Variants in MRTFA observed in about 807,000 individuals in gnomAD.
MRTFA encodes the protein myocardin-related transcription factor A.
A neutral mutation model predicts 83.5 loss-of-function variants in MRTFA; 20 were observed. The observed-to-expected ratio is 0.24, with a 90% confidence interval of 0.17 to 0.35. The LOEUF (loss-of-function observed/expected upper bound fraction) is 0.35, where lower values mean the gene tolerates loss of function less well. MRTFA is among the 10% of genes least tolerant of loss of function. The pLI, the probability that MRTFA is intolerant of heterozygous loss-of-function variation, is 1.00. For synonymous variants in MRTFA, 659 were observed against 541.2 expected, an observed-to-expected ratio of 1.22 and a Z score of -3.02; for missense variants, 1,200 against 1,224.7, an observed-to-expected ratio of 0.98 and a Z score of 0.30.
At chr22:40,541,057 T>C (rs1158894701) in intron 3 of MRTFA, among the ~76,000 whole-genome samples, 5 of 152,124 alleles carry the variant, frequency 3.3e-5, no homozygotes, top group Non-Finnish European at 7.4e-5. Flanking sequence ...AGTATGGAGT[T>C]AACATAAACA....
At chr22:40,487,982 C>T (rs1016663695) in intron 3 of MRTFA, among the ~76,000 whole-genome samples, 1 of 152,104 alleles carries the variant, frequency 6.6e-6, no homozygotes, top group South Asian at 2.1e-4. Flanking sequence ...GAAAGAAAAA[C>T]TTAAACCTAT....
Position 40,425,716 on chromosome 22 carries a change from A to G in MRTFA, c.602-1335T>C, listed in dbSNP as rs143796737. On this transcript the variant is annotated intron_variant, in intron 7 of 14. Transcript: ENST00000355630. ...GGCTAGATTTCCCCCACAATCTCCT[A>G]CTTCCGGCAACGGCATCTGATTTGG... is the stretch of plus-strand genomic sequence containing the variant. Among the ~76,000 whole-genome samples the G allele has an allele frequency of 3.3e-4, 50 of 152,304 alleles. 1 individual carries two copies. The East Asian group carries it at 9.1e-3, about 28-fold the overall frequency.
intron 2 of MRTFA, among the ~76,000 whole-genome samples, chr22:40,563,668 A>G (rs1186062859): frequency 1.3e-5 from 2 of 152,134 alleles, no homozygotes; most frequent in African/African-American, 2.4e-5. Context: ...TTCAAGACCA[A>G]TCTGGTCAAC....
At chr22:40,453,512 T>G (rs1261419060) in intron 4 of MRTFA, among the ~76,000 whole-genome samples, 1 of 152,074 alleles carries the variant, frequency 6.6e-6, no homozygotes, top group Non-Finnish European at 1.5e-5. Flanking sequence ...GGGGCAGCAG[T>G]TGAGAGATGA....
At chr22:40,544,269 C>G (rs1167160166) in intron 3 of MRTFA, among the ~76,000 whole-genome samples, 1 of 152,160 alleles carries the variant, frequency 6.6e-6, no homozygotes, top group Non-Finnish European at 1.5e-5. Flanking sequence ...GGGTCTTGCT[C>G]TGTCACCCAG....
chr22:40,419,156 G>A lies in MRTFA; in HGVS notation c.1582C>T (p.Pro528Ser). 4.4e-6 allele frequency: 7 copies of A among 1,585,524 alleles called. No individual in the cohort carries two copies. Among genetic ancestry groups the A allele is most frequent in the East Asian group, 2.3e-5 (1 of 42,884 alleles). The change falls in exon 12 of 15, where the codon CCA (proline) becomes TCA (serine). Residue 528 changes from proline (P) to serine (S), a missense_variant. Transcript: ENST00000355630. ...ACCGTGGCCACCACCACCTCAGCTG[G>A]AGCCAGGCCTGCTGCCACCAGGGCT... is the stretch of plus-strand genomic sequence containing the variant.
chr22:40,441,831 TACACAC>T (rs562549245), intron 4 of MRTFA, among the ~76,000 whole-genome samples: 7 of 147,958 alleles, frequency 4.7e-5, no homozygotes, highest in East Asian at 4.0e-4. Context: ...TATATATATA[TACACAC>T]ACACACACAC....
chr22:40,577,097 C>T (rs1255279781), intron 2 of MRTFA, among the ~76,000 whole-genome samples: 2 of 151,936 alleles, frequency 1.3e-5, no homozygotes, highest in African/African-American at 2.4e-5. Context: ...GTGGTGAGCA[C>T]CTGTGGTCCC....
intron 4 of MRTFA, among the ~76,000 whole-genome samples, chr22:40,446,398 T>G (rs1476133551): frequency 1.3e-5 from 2 of 152,182 alleles, no homozygotes; most frequent in South Asian, 4.1e-4. Flanking sequence ...CTATTAACAC[T>G]CCTGGACAGG....
chr22:40,539,822 C>T (rs1230274897), intron 3 of MRTFA, among the ~76,000 whole-genome samples: 5 of 151,620 alleles, frequency 3.3e-5, no homozygotes, highest in Non-Finnish European at 5.9e-5. Flanking sequence ...ATTTTCTTAA[C>T]GTAACTATAA....
intron 5 of MRTFA, 139 bp from the exon 6 acceptor site, chr22:40,431,619 G>T: frequency 1.3e-6 from 1 of 782,596 alleles, no homozygotes; most frequent in Non-Finnish European, 2.1e-6. Flanking sequence ...GTGACTGCAG[G>T]GTTCGGAGGC....
intron 4 of MRTFA, among the ~76,000 whole-genome samples, chr22:40,460,275 T>C (rs939482377): frequency 6.6e-6 from 1 of 152,182 alleles, no homozygotes; most frequent in Non-Finnish European, 1.5e-5. Flanking sequence ...GTAAGGAGAC[T>C]AATAGATAAA....
intron 3 of MRTFA, among the ~76,000 whole-genome samples, chr22:40,486,787 C>T (rs2054181241): frequency 6.6e-6 from 1 of 152,124 alleles, no homozygotes; most frequent in Admixed American, 6.5e-5. Context: ...CTCAGACAGC[C>T]TGGGCAACAC....
intron 3 of MRTFA, among the ~76,000 whole-genome samples, chr22:40,541,858 G>T (rs914658038): frequency 6.6e-6 from 1 of 152,116 alleles, no homozygotes; most frequent in African/African-American, 2.4e-5. Context: ...AGTAGAGACA[G>T]GGTTTCACCA....
chr22:40,528,995 A>G (rs1001573555), intron 3 of MRTFA, among the ~76,000 whole-genome samples: 1 of 152,146 alleles, frequency 6.6e-6, no homozygotes, highest in South Asian at 2.1e-4. Flanking sequence ...AGAGATCCAA[A>G]AAGTAGGTAT....
rs1330813497 is a variant in MRTFA, at chr22:40,507,084, G to C, written c.242-43798C>G. ...ATCTTAGAAACTTCTCCTTTGGCCA[G>C]GCATGGTGGTTCAAACGTGTAAAAC... On this transcript the variant is annotated intron_variant, in intron 3 of 14. Coordinates refer to ENST00000355630, the MANE Select transcript of MRTFA (RefSeq NM_020831.6). 2.0e-5 allele frequency among the ~76,000 whole-genome samples: 3 copies of C among 152,200 alleles called. No individual in the cohort carries two copies. In the East Asian group the frequency reaches 5.8e-4, roughly 29 times the overall value.
rs1053027181 is a variant in MRTFA, at chr22:40,423,675, T to A, written c.788A>T (p.Gln263Leu). 1.3e-6 allele frequency: 2 copies of A among 1,565,348 alleles called. No homozygotes were observed. Among genetic ancestry groups the A allele is most frequent in the African/African-American group, 2.7e-5 (2 of 73,458 alleles). Residue 263 changes from glutamine to leucine, a missense_variant, in exon 9 of 15, where the codon CAA (glutamine) becomes CTA (leucine). Physicochemically the swap from Gln to Leu is moderately radical, Grantham distance 113. This residue lies in a region of MRTFA where 1,107 missense variants were observed against 1,041.8 expected (regional missense o/e 1.06). Transcript: ENST00000355630. ...TCTGGAATCCCGGCCCATCGGAAGT[T>A]GAGACACAACCTGAGAGGGAAAAAG...
chr22:40,538,375 TCG>T (rs2055225900), intron 3 of MRTFA, among the ~76,000 whole-genome samples: 1 of 148,252 alleles, frequency 6.7e-6, no homozygotes, highest in African/African-American at 2.5e-5. Flanking sequence ...GGCAGCATGC[TCG>T]TTAAGAGTCA....
intron 3 of MRTFA, among the ~76,000 whole-genome samples, chr22:40,502,296 T>C (rs2054503034): frequency 8.1e-6 from 1 of 123,072 alleles, no homozygotes; most frequent in South Asian, 2.9e-4. Flanking sequence ...GGCTCCTCAC[T>C]TCTCAGACGG....
Sources: gnomAD v4.1 joint callset for allele counts (sites outside exome capture counted in the v4.1 genomes callset) on GRCh38, gnomAD v4.1.1 for gene constraint, gnomAD v4.1.1 regional missense constraint, MANE v1.5 for transcripts, NCBI Gene and HGNC (gene_info 2026-07-23, HGNC 2026-07-21) for gene names.